PLCB4: variants seen among roughly 807,000 people sequenced by gnomAD.
The protein encoded by PLCB4 is phospholipase C beta 4, also known as 1-phosphatidylinositol 4,5-bisphosphate phosphodiesterase beta-4.
Under a neutral mutation model 178.8 loss-of-function variants are expected in PLCB4, and 77 were observed. That is an observed-to-expected ratio of 0.43 (90% confidence interval 0.36 to 0.52). PLCB4 has a LOEUF of 0.52. PLCB4 is among the 20% of genes least tolerant of loss of function. The probability of loss-of-function intolerance (pLI) is 0.00; values close to 1 mark genes in which losing one functional copy is unlikely to be tolerated. For missense variants in PLCB4, 1,024 were observed against 1,453.4 expected, an observed-to-expected ratio of 0.70 and a Z score of 4.80; for synonymous variants, 496 against 490.8, an observed-to-expected ratio of 1.01 and a Z score of -0.14.
At chr20:9,448,734 G>T (rs2042568237) in intron 32 of PLCB4, among the ~76,000 whole-genome samples, 1 of 151,924 alleles carries the variant, frequency 6.6e-6, no homozygotes, top group South Asian at 2.1e-4. Context: ...GCCACTGCTG[G>T]CCTAGATAAA....
intron 2 of PLCB4, among the ~76,000 whole-genome samples, chr20:9,103,775 T>A (rs2091266839): frequency 6.6e-6 from 1 of 152,204 alleles, no homozygotes; most frequent in Non-Finnish European, 1.5e-5. Context: ...AGTAAATAAC[T>A]ATTTCTATCT....
chr20:9,384,436 G>GT, intron 14 of PLCB4, 25 bp downstream of exon 14: 1 of 1,523,330 alleles, frequency 6.6e-7, no homozygotes. Flanking sequence ...ATGGCAATTT[G>GT]TTTTTTGTGT....
At chr20:9,147,367 G>A (rs956584598) in intron 2 of PLCB4, among the ~76,000 whole-genome samples, 4 of 152,220 alleles carry the variant, frequency 2.6e-5, no homozygotes, top group South Asian at 4.1e-4. Context: ...ATATGTATCC[G>A]TTTCCTTTTG....
At chr20:9,338,865 T>G (rs1486792753) in intron 6 of PLCB4, 29 bp from the exon 7 acceptor site, 1 of 1,587,428 alleles carries the variant, frequency 6.3e-7, no homozygotes, top group Non-Finnish European at 8.6e-7. Flanking sequence ...GTAACTTATT[T>G]TTTTTTCTAT....
intron 3 of PLCB4, among the ~76,000 whole-genome samples, chr20:9,252,695 T>C (rs2094193803): frequency 6.6e-6 from 1 of 152,166 alleles, no homozygotes; most frequent in Non-Finnish European, 1.5e-5. Flanking sequence ...GTAAAGAAGA[T>C]TGCCCTCATC....
chr20:9,311,309 T>C (rs2147893584), intron 4 of PLCB4, among the ~76,000 whole-genome samples: 1 of 152,330 alleles, frequency 6.6e-6, no homozygotes, highest in East Asian at 1.9e-4. Flanking sequence ...TTTCCTTCCC[T>C]AAACCCACTT....
At chr20:9,364,222 G>A (rs1213343020) in intron 8 of PLCB4, among the ~76,000 whole-genome samples, 1 of 152,196 alleles carries the variant, frequency 6.6e-6, no homozygotes, top group Non-Finnish European at 1.5e-5. Flanking sequence ...ATATTCTGAT[G>A]TTATGACTTC....
At chr20:9,142,238 G>T (rs1022712583) in intron 2 of PLCB4, among the ~76,000 whole-genome samples, 6 of 152,100 alleles carry the variant, frequency 3.9e-5, no homozygotes, top group Non-Finnish European at 8.8e-5. Flanking sequence ...CACAAAATGG[G>T]TTCAGAGGAA....
chr20:9,127,859 AT>A (rs2092164322), intron 2 of PLCB4, among the ~76,000 whole-genome samples: 1 of 151,904 alleles, frequency 6.6e-6, no homozygotes, highest in East Asian at 1.9e-4. Context: ...TACTTTTTGT[AT>A]TTTTTTAGTA....
intron 1 of PLCB4, among the ~76,000 whole-genome samples, chr20:9,091,791 A>G (rs1433188196): frequency 6.6e-6 from 1 of 151,868 alleles, no homozygotes. Context: ...ATTTCAACCC[A>G]TTATTATATT....
chr20:9,175,882 A>G (rs1279202594), intron 2 of PLCB4, among the ~76,000 whole-genome samples: 1 of 152,142 alleles, frequency 6.6e-6, no homozygotes, highest in Non-Finnish European at 1.5e-5. Context: ...ATTTACACGG[A>G]ATGATATGGA....
chr20:9,151,901 A>G (rs539084425), intron 2 of PLCB4, among the ~76,000 whole-genome samples: 72 of 152,284 alleles, frequency 4.7e-4, no homozygotes, highest in African/African-American at 1.7e-3. Context: ...AGTGATATAG[A>G]CAATAAAATC....
chr20:9,329,032 G>A (rs1022460251), intron 4 of PLCB4, among the ~76,000 whole-genome samples: 2 of 152,182 alleles, frequency 1.3e-5, no homozygotes, highest in Non-Finnish European at 2.9e-5. Context: ...AAAGAAGCTG[G>A]CCACTCCACC....
At chr20:9,280,968 G>C (rs985978364) in intron 3 of PLCB4, among the ~76,000 whole-genome samples, 3 of 151,304 alleles carry the variant, frequency 2.0e-5, no homozygotes, top group Admixed American at 6.6e-5. Context: ...AAAAAAAGAG[G>C]TATACCACAT....
chr20:9,454,554 G>A (rs1438233800), intron 33 of PLCB4, among the ~76,000 whole-genome samples: 1 of 152,004 alleles, frequency 6.6e-6, no homozygotes, highest in Non-Finnish European at 1.5e-5. Context: ...TTCCTACTTG[G>A]GTTTTTTGGC....
At chr20:9,216,737 G>T (rs1422370253) in intron 2 of PLCB4, among the ~76,000 whole-genome samples, 2 of 151,684 alleles carry the variant, frequency 1.3e-5, no homozygotes, top group African/African-American at 4.9e-5. Context: ...CACTCCTGAG[G>T]CAAGTGATCT....
intron 3 of PLCB4, among the ~76,000 whole-genome samples, chr20:9,239,150 C>T (rs181736943): frequency 1.4e-4 from 21 of 152,274 alleles, no homozygotes; most frequent in Middle Eastern, 6.8e-3. Context: ...TCTTATTCCT[C>T]TAACATTTGA....
chr20:9,337,875 G>T, intron 5 of PLCB4, 133 bp from the exon 6 acceptor site: 1 of 600,148 alleles, frequency 1.7e-6, no homozygotes, highest in South Asian at 2.2e-5. Context: ...TTGTTACATG[G>T]TTTTAATTCC....
At chr20:9,161,483 C>T (rs2092886763) in intron 2 of PLCB4, among the ~76,000 whole-genome samples, 1 of 152,256 alleles carries the variant, frequency 6.6e-6, no homozygotes, top group African/African-American at 2.4e-5. Flanking sequence ...ATCCGCTGCT[C>T]TTACCTACCA....
Sources: gnomAD v4.1 joint callset for allele counts (sites outside exome capture counted in the v4.1 genomes callset) on GRCh38, gnomAD v4.1.1 for gene constraint, MANE v1.5 for transcripts, NCBI Gene and HGNC (gene_info 2026-07-23, HGNC 2026-07-21) for gene names.